Variants in ERC2 observed in about 807,000 individuals in gnomAD.
ERC2 encodes ERC protein 2.
In ERC2, 42 loss-of-function variants were observed where a neutral mutation model predicts 114.8. The observed-to-expected ratio is 0.37, with a 90% confidence interval of 0.29 to 0.47. The LOEUF (loss-of-function observed/expected upper bound fraction) is 0.47, where lower values mean the gene tolerates loss of function less well. Among genes scored for constraint, ERC2 ranks in the 20% least tolerant of loss-of-function variants. The probability of loss-of-function intolerance (pLI) is 0.99; values close to 1 mark genes in which losing one functional copy is unlikely to be tolerated. For missense variants in ERC2, 939 were observed against 1,150.7 expected, an observed-to-expected ratio of 0.82 and a Z score of 2.66; for synonymous variants, 454 against 425.5, an observed-to-expected ratio of 1.07 and a Z score of -0.82.
intron 6 of ERC2, among the ~76,000 whole-genome samples, chr3:56,134,142 G>A (rs545128368): frequency 1.3e-5 from 2 of 152,288 alleles, no homozygotes; most frequent in Admixed American, 6.5e-5. Context: ...AATTATAAGA[G>A]ATACAAATAG....
chr3:55,530,569 G>A lies in ERC2; in HGVS notation c.*40-19293C>T, dbSNP rs116419888. ...TAATTATAGCCCCATCTCTCCCTCAGCTCATCTCCTATGGTTGGAGCCTAC... is the reference window on the plus strand; with the variant it reads ...TAATTATAGCCCCATCTCTCCCTCAACTCATCTCCTATGGTTGGAGCCTAC... On this transcript the variant is annotated intron_variant, in intron 17 of 17. Transcript: ENST00000288221. 6.7e-3 allele frequency among the ~76,000 whole-genome samples: 1,024 copies of A among 152,200 alleles called. 10 individuals are homozygous for A. Among genetic ancestry groups the A allele is most frequent in the African/African-American group, 0.023 (953 of 41,518 alleles).
intron 7 of ERC2, among the ~76,000 whole-genome samples, chr3:56,032,538 G>A (rs575253211): frequency 5.3e-5 from 8 of 152,070 alleles, no homozygotes; most frequent in Admixed American, 2.0e-4. Flanking sequence ...ATTCAGATCC[G>A]TGAAGCCAAA....
intron 17 of ERC2, among the ~76,000 whole-genome samples, chr3:55,568,018 TC>T (rs2056480831): frequency 6.6e-6 from 1 of 152,226 alleles, no homozygotes; most frequent in Admixed American, 6.5e-5. Flanking sequence ...ATTTTATTGC[TC>T]ATAGGCTTCT....
chr3:55,955,724 G>T (rs1487469613), intron 12 of ERC2, among the ~76,000 whole-genome samples: 2 of 152,102 alleles, frequency 1.3e-5, no homozygotes, highest in African/African-American at 4.8e-5. Context: ...TCTTTTTGTG[G>T]ATATATGCAT....
At chr3:55,833,992 A>G (rs1243208605) in intron 14 of ERC2, among the ~76,000 whole-genome samples, 2 of 151,198 alleles carry the variant, frequency 1.3e-5, no homozygotes, top group Admixed American at 6.6e-5. Context: ...TTAAACCAAC[A>G]AAGATCAAAA....
intron 14 of ERC2, among the ~76,000 whole-genome samples, chr3:55,762,117 C>A (rs992820313): frequency 8.8e-4 from 134 of 152,204 alleles, no homozygotes; most frequent in African/African-American, 3.1e-3. Flanking sequence ...ATTACCCAGT[C>A]TCAGGTAGTT....
At chr3:56,192,700 G>A (rs1575763405) in intron 3 of ERC2, among the ~76,000 whole-genome samples, 1 of 152,262 alleles carries the variant, frequency 6.6e-6, no homozygotes, top group East Asian at 1.9e-4. Flanking sequence ...TGGACTTGAT[G>A]CTGTGTCACC....
intron 3 of ERC2, among the ~76,000 whole-genome samples, chr3:56,184,018 G>T (rs964379103): frequency 6.6e-5 from 10 of 152,112 alleles, no homozygotes; most frequent in Admixed American, 1.3e-4. Context: ...TTATTTTTCA[G>T]CTGTCACAAG....
intron 5 of ERC2, among the ~76,000 whole-genome samples, chr3:56,142,250 C>T (rs1472651632): frequency 6.6e-6 from 1 of 152,100 alleles, no homozygotes; most frequent in Non-Finnish European, 1.5e-5. Context: ...ATATCAATAG[C>T]ATTTATGATT....
At chr3:56,027,582 A>T (rs2074121899) in intron 7 of ERC2, among the ~76,000 whole-genome samples, 1 of 152,210 alleles carries the variant, frequency 6.6e-6, no homozygotes, top group African/African-American at 2.4e-5. Flanking sequence ...GATTTTTAAC[A>T]TCTTTTCATG....
intron 12 of ERC2, among the ~76,000 whole-genome samples, chr3:55,967,692 G>C (rs9881130): frequency 0.41 from 62,840 of 151,980 alleles, 13,457 homozygotes; most frequent in Admixed American, 0.5. Flanking sequence ...AAACTTGATC[G>C]CCTATGCAGC....
intron 14 of ERC2, among the ~76,000 whole-genome samples, chr3:55,849,194 A>C (rs968090985): frequency 6.6e-5 from 10 of 152,150 alleles, no homozygotes; most frequent in Non-Finnish European, 1.5e-4. Context: ...CAGATCTGAG[A>C]TAAGAGTCCC....
intron 17 of ERC2, among the ~76,000 whole-genome samples, chr3:55,515,902 G>A (rs2052465013): frequency 6.6e-6 from 1 of 152,164 alleles, no homozygotes; most frequent in South Asian, 2.1e-4. Flanking sequence ...CTGGGAGAAA[G>A]GGGTCTTTGG....
chr3:56,033,778 C>A (rs72867626), intron 7 of ERC2, among the ~76,000 whole-genome samples: 2 of 152,076 alleles, frequency 1.3e-5, no homozygotes, highest in African/African-American at 4.8e-5. Flanking sequence ...TCCCTCTCAG[C>A]CTACAAGATT....
intron 16 of ERC2, 45 bp from the exon 17 acceptor site, chr3:55,683,904 C>G (rs777236877): frequency 1.3e-6 from 2 of 1,596,194 alleles, no homozygotes; most frequent in Non-Finnish European, 1.7e-6. Flanking sequence ...AGGAGGGGAG[C>G]ACCAGAATGA....
intron 2 of ERC2, among the ~76,000 whole-genome samples, chr3:56,336,630 C>A (rs1353542877): frequency 2.0e-5 from 3 of 152,106 alleles, no homozygotes; most frequent in African/African-American, 7.2e-5. Context: ...CCCATCTCTA[C>A]TAGAAATACA....
chr3:56,227,014 A>G (rs2050289648), intron 3 of ERC2, among the ~76,000 whole-genome samples: 1 of 151,548 alleles, frequency 6.6e-6, no homozygotes, highest in Admixed American at 6.6e-5. Context: ...AACTACCTCC[A>G]CCTCAGTGTG....
chr3:55,772,870 C>G (rs1026031291), intron 14 of ERC2, among the ~76,000 whole-genome samples: 13 of 152,198 alleles, frequency 8.5e-5, no homozygotes, highest in Non-Finnish European at 2.9e-5. Context: ...AACCTGCTCC[C>G]TGCCCCTGTA....
intron 15 of ERC2, among the ~76,000 whole-genome samples, chr3:55,734,173 G>A (rs1193951839): frequency 6.6e-6 from 1 of 152,190 alleles, no homozygotes; most frequent in Non-Finnish European, 1.5e-5. Context: ...CTAGAGGGGT[G>A]AAAACACAGG....
Sources: allele counts gnomAD v4.1 joint callset (sites outside exome capture counted in the v4.1 genomes callset), GRCh38; gene constraint gnomAD v4.1.1; transcripts MANE v1.5; gene names NCBI Gene and HGNC (gene_info 2026-07-23, HGNC 2026-07-21).